The following ARHGAP11A variants were observed in gnomAD, a reference collection of about 807,000 sequenced individuals.
ARHGAP11A encodes the protein Rho GTPase activating protein 11A, also known as rho GTPase-activating protein 11A.
In ARHGAP11A, 36 loss-of-function variants were observed where a neutral mutation model predicts 60.5. The ratio of observed to expected loss-of-function variants is 0.59; its 90% CI spans 0.46 to 0.79. ARHGAP11A has a LOEUF of 0.79. Among genes scored for constraint, ARHGAP11A ranks in the 30% least tolerant of loss-of-function variants. The pLI, the probability that ARHGAP11A is intolerant of heterozygous loss-of-function variation, is 0.00. For missense variants in ARHGAP11A, 1,071 were observed against 1,199.2 expected (o/e 0.89, Z 1.58); for synonymous variants, 362 against 415.5 (o/e 0.87, Z 1.57).
intron 1 of ARHGAP11A, among the ~76,000 whole-genome samples, chr15:32,618,758 A>AACCCC (rs2053223317): frequency 8.5e-6 from 1 of 117,440 alleles, no homozygotes; most frequent in African/African-American, 3.2e-5. Flanking sequence ...ACACGGTGAA[A>AACCCC]CCCCCCCCCC....
rs771159158 is a variant in ARHGAP11A, at chr15:32,637,154, C to G, written c.2381C>G (p.Thr794Arg). 7 of 1,614,142 alleles carry G rather than the reference C, an allele frequency of 4.3e-6. No homozygotes were observed. The highest frequency in any genetic ancestry group is 2.7e-5 in the African/African-American group (2 of 75,054). ...CAGTCATTGGAAACATGTGAGAAAA[C>G]AGTTTCTGAAAGTTCACAAATGACA... ...KQQSLETCEK[T>R]VSESSQMTEH... The change falls in exon 12 of 12, where the codon ACA (threonine) becomes AGA (arginine). Residue 794 changes from threonine (T) to arginine (R), a missense_variant. Around this residue, in one of 4 missense-constraint regions of ARHGAP11A, gnomAD observed 776 missense variants for 760.2 expected, o/e 1.02. Transcript: ENST00000361627.
In ARHGAP11A at chr15:32,636,380, A is replaced by T; in HGVS notation, c.1607A>T (p.Glu536Val). Residue 536 changes from glutamate (E) to valine (V), a missense_variant, in exon 12 of 12, where the codon GAA (glutamate) becomes GTA (valine). By Grantham distance (121) the Glu-to-Val change is moderately radical. Around this residue, in one of 4 missense-constraint regions of ARHGAP11A, gnomAD observed 776 missense variants for 760.2 expected, o/e 1.02. Coordinates refer to ENST00000361627, the MANE Select transcript of ARHGAP11A (RefSeq NM_014783.6). ...AGTTTTCAAGAAGTAGATGCAAATG[A>T]AGCTTCTTCAATGGTGGAAAATCTT... ...NSSFQEVDAN[E>V]ASSMVENLEV... 4 of 1,614,116 alleles carry T rather than the reference A, an allele frequency of 2.5e-6. No individual in the cohort carries two copies. Among genetic ancestry groups the T allele is most frequent in the Non-Finnish European group, 2.5e-6 (3 of 1,179,986 alleles).
rs947638363 is a variant in ARHGAP11A at position 32,639,301 on chromosome 15, A to C, written c.*1456A>C. On this transcript the variant is annotated 3_prime_UTR_variant, in exon 12 of 12. Coordinates refer to ENST00000361627, the MANE Select transcript of ARHGAP11A (RefSeq NM_014783.6). ...GTTGGAGCAGATTAGAGCAGCATTC[A>C]TGCCACTCGGAGCAACCAGACTTAC... 6.6e-6 allele frequency: 1 copy of C among 152,224 alleles called. No individual in the cohort carries two copies. Among genetic ancestry groups the C allele is most frequent in the Admixed American group, 6.5e-5 (1 of 15,280 alleles). The allele number at this position is 152,224 out of a possible 1,614,324, so 9.4% of individuals were successfully genotyped here.
intron 5 of ARHGAP11A, 24 bp downstream of exon 5, chr15:32,625,267 C>T (rs370585733): frequency 1.3e-6 from 2 of 1,574,506 alleles, no homozygotes; most frequent in Non-Finnish European, 1.7e-6. Context: ...GCATTATTAA[C>T]AGAATTTGTT....
chr15:32,634,165 C>A, intron 10 of ARHGAP11A, 124 bp downstream of exon 10: 1 of 666,788 alleles, frequency 1.5e-6, no homozygotes, highest in Non-Finnish European at 2.5e-6. Flanking sequence ...TTATCCAAAA[C>A]TCTTATACTT....
chr15:32,618,041 C>T (rs906307040), intron 1 of ARHGAP11A, among the ~76,000 whole-genome samples: 1 of 152,126 alleles, frequency 6.6e-6, no homozygotes. Flanking sequence ...ATTGGTCTGC[C>T]TCCTAATTGG....
chr15:32,633,438 C>G (rs934093897), intron 9 of ARHGAP11A, among the ~76,000 whole-genome samples: 1 of 151,926 alleles, frequency 6.6e-6, no homozygotes, highest in East Asian at 1.9e-4. Context: ...CTCAGGAGTT[C>G]AAGACCAGCC....
chr15:32,635,714 T>C (rs957486059), intron 10 of ARHGAP11A, 63 bp from the exon 11 acceptor site: 6 of 1,155,058 alleles, frequency 5.2e-6, no homozygotes, highest in Non-Finnish European at 6.9e-6. Flanking sequence ...AAAATTATTC[T>C]GTCTTTATAT....
rs770071785 is a variant in ARHGAP11A at position 32,637,033 on chromosome 15, C to T, written c.2260C>T (p.His754Tyr). 6.2e-7 allele frequency: 1 copy of T among 1,613,886 alleles called. No individual in the cohort carries two copies. The highest frequency in any genetic ancestry group is 1.1e-5 in the South Asian group (1 of 91,058). ...MEGNLPKCAA[H>Y]SKDEARSSFS... ...AGGTAACTTACCGAAGTGTGCAGCACATAGCAAGGACGAGGCTAGATCCTC... is the reference window on the plus strand; with the variant it reads ...AGGTAACTTACCGAAGTGTGCAGCATATAGCAAGGACGAGGCTAGATCCTC... Residue 754 changes from histidine to tyrosine, a missense_variant, in exon 12 of 12, where the codon CAT (histidine) becomes TAT (tyrosine). Around this residue, in one of 4 missense-constraint regions of ARHGAP11A, gnomAD observed 776 missense variants for 760.2 expected, o/e 1.02. Transcript: ENST00000361627.
intron 7 of ARHGAP11A, 94 bp from the exon 8 acceptor site, chr15:32,629,501 A>G: frequency 1.0e-6 from 1 of 970,332 alleles, no homozygotes. Flanking sequence ...TTTAGCTCTA[A>G]GTAATAGCTT....
rs2053525972 is a variant in ARHGAP11A, at chr15:32,628,808, T to G, written c.937+6T>G. 12 of 1,523,298 alleles carry G rather than the reference T, an allele frequency of 7.9e-6. No individual in the cohort carries two copies. The East Asian group carries it at 2.9e-4, about 36-fold the overall frequency. 94.4% of individuals were successfully genotyped at this position (1,523,298 alleles called of 1,614,324 possible). ...ACCTCAAGAAGAAAGAATTGGTAGGTATTTATTATATGCATTTATTTAAAT... is the reference window on the plus strand; with the variant it reads ...ACCTCAAGAAGAAAGAATTGGTAGGGATTTATTATATGCATTTATTTAAAT... On this transcript the variant is annotated splice_donor_region_variant and intron_variant, in intron 7 of 11. Coordinates refer to ENST00000361627, the MANE Select transcript of ARHGAP11A (RefSeq NM_014783.6).
At chr15:32,619,277 G>GAA (rs1453028043) in intron 1 of ARHGAP11A, among the ~76,000 whole-genome samples, 1 of 152,194 alleles carries the variant, frequency 6.6e-6, no homozygotes, top group Non-Finnish European at 1.5e-5. Flanking sequence ...ACTTAAGTTT[G>GAA]AATAACCAGA....
Position 32,624,181 on chromosome 15 carries a change from G to A in ARHGAP11A, c.306G>A (p.Val102=). The A allele has an allele frequency of 6.2e-7, 1 of 1,608,998 alleles. No individual in the cohort carries two copies. Among genetic ancestry groups the A allele is most frequent in the Non-Finnish European group, 8.5e-7 (1 of 1,176,088 alleles). The change falls in exon 4 of 12, where the codon GTG becomes GTA. Residue 102 remains valine, a synonymous_variant. Coordinates refer to ENST00000361627, the MANE Select transcript of ARHGAP11A (RefSeq NM_014783.6). The stretch of plus-strand genomic sequence containing the variant: ...TATTATATTTATTTCAGAATAAAGT[G>A]GATCATGGTGAAGGTTGCCTATCTT... ...VIRLKALKNK[V]DHGEGCLSSA... is the part of the protein sequence containing the mutation.
In ARHGAP11A at chr15:32,638,718, G is replaced by A. The variant is rs1168366817; in HGVS notation, c.*873G>A. On this transcript the variant is annotated 3_prime_UTR_variant, in exon 12 of 12. Transcript: ENST00000361627. ...ACTCGAACTAAGAACAATGGTTAAG[G>A]CAGAATAATGACTAAAATATGTTCA... The A allele has an allele frequency of 1.3e-5, 2 of 152,556 alleles. No homozygotes were observed. Among genetic ancestry groups the A allele is most frequent in the African/African-American group, 2.4e-5 (1 of 41,402 alleles). 9.5% of individuals were successfully genotyped at this position (152,556 alleles called of 1,614,324 possible).
intron 6 of ARHGAP11A, among the ~76,000 whole-genome samples, chr15:32,627,717 A>T (rs1445037808): frequency 1.3e-5 from 2 of 152,088 alleles, no homozygotes; most frequent in East Asian, 3.9e-4. Context: ...CAACATAGCG[A>T]GACTCCGTCT....
intron 1 of ARHGAP11A, among the ~76,000 whole-genome samples, chr15:32,616,714 C>T (rs2053161017): frequency 6.6e-6 from 1 of 152,076 alleles, no homozygotes; most frequent in South Asian, 2.1e-4. Flanking sequence ...AAAATGTCTC[C>T]GGATATTGCC....
At chr15:32,616,381 C>G (rs1428040403) in intron 1 of ARHGAP11A, 41 bp downstream of exon 1, 2 of 1,611,320 alleles carry the variant, frequency 1.2e-6, no homozygotes, top group South Asian at 2.2e-5. Context: ...AAAGAAAGGG[C>G]ACACCCTTTA....
At chr15:32,633,858 T>C in intron 9 of ARHGAP11A, 75 bp from the exon 10 acceptor site, 1 of 881,310 alleles carries the variant, frequency 1.1e-6, no homozygotes, top group Non-Finnish European at 1.7e-6. Flanking sequence ...GTGGACTTTA[T>C]TTCAAATTTC....
chr15:32,629,314 A>G (rs549668535), intron 7 of ARHGAP11A, among the ~76,000 whole-genome samples: 2 of 146,930 alleles, frequency 1.4e-5, no homozygotes, highest in Admixed American at 6.9e-5. Context: ...TTTCTTCCTT[A>G]CATTAATATT....
Sources: allele counts gnomAD v4.1 joint callset (sites outside exome capture counted in the v4.1 genomes callset), GRCh38; gene constraint gnomAD v4.1.1; regional missense constraint gnomAD v4.1.1; transcripts MANE v1.5; gene names NCBI Gene and HGNC (gene_info 2026-07-23, HGNC 2026-07-21).